The following TRHDE variants were observed in gnomAD, a reference collection of about 807,000 sequenced individuals.
TRHDE encodes the protein thyrotropin-releasing hormone-degrading ectoenzyme.
In TRHDE, 72 loss-of-function variants were observed where a neutral mutation model predicts 125.7. The ratio of observed to expected loss-of-function variants is 0.57; its 90% CI spans 0.47 to 0.70. TRHDE has a LOEUF of 0.70. Ranked by LOEUF, TRHDE falls within the 30% of genes least tolerant of loss-of-function variation. The probability of loss-of-function intolerance (pLI) is 0.00; values close to 1 mark genes in which losing one functional copy is unlikely to be tolerated. For missense variants in TRHDE, 1,110 were observed against 1,327.1 expected (o/e 0.84, Z 2.54); for synonymous variants, 509 against 509.1 (o/e 1.00, Z 0.00).
intron 3 of TRHDE, among the ~76,000 whole-genome samples, chr12:72,445,859 TC>T (rs978932451): frequency 6.6e-6 from 1 of 151,894 alleles, no homozygotes; most frequent in African/African-American, 2.4e-5. Context: ...CTTTCTTTTT[TC>T]CCCCCGGCTT....
chr12:72,364,825 C>T (rs2135756231), intron 2 of TRHDE, among the ~76,000 whole-genome samples: 1 of 152,194 alleles, frequency 6.6e-6, no homozygotes, highest in South Asian at 2.1e-4. Flanking sequence ...CATTCAGCCC[C>T]TCTATTTACA....
chr12:72,586,942 CTAAAT>C (rs1871466112), intron 12 of TRHDE, among the ~76,000 whole-genome samples: 1 of 151,982 alleles, frequency 6.6e-6, no homozygotes, highest in South Asian at 2.1e-4. Flanking sequence ...TAAACACACT[CTAAAT>C]TAGAGGGCAG....
intron 15 of TRHDE, among the ~76,000 whole-genome samples, chr12:72,634,372 A>G (rs1873627894): frequency 6.6e-6 from 1 of 151,878 alleles, no homozygotes; most frequent in Admixed American, 6.6e-5. Context: ...CTATCCCCAT[A>G]GAGGTAAGGG....
intron 2 of TRHDE, among the ~76,000 whole-genome samples, chr12:72,128,995 A>G (rs1875790068): frequency 6.6e-6 from 1 of 152,206 alleles, no homozygotes; most frequent in African/African-American, 2.4e-5. Flanking sequence ...TCATAATTAA[A>G]CTGCTCAAAA....
chr12:72,108,393 G>A (rs912546371), intron 2 of TRHDE, among the ~76,000 whole-genome samples: 55 of 152,116 alleles, frequency 3.6e-4, no homozygotes, highest in Non-Finnish European at 2.8e-4. Flanking sequence ...TACATATGTT[G>A]ACAGAATAGT....
At chr12:72,637,392 CT>C (rs1285047541) in intron 15 of TRHDE, among the ~76,000 whole-genome samples, 1 of 152,088 alleles carries the variant, frequency 6.6e-6, no homozygotes, top group Non-Finnish European at 1.5e-5. Flanking sequence ...ATTCTTTTCT[CT>C]TTTTTTCTTT....
chr12:72,095,250 T>C (rs1039283138), intron 1 of TRHDE, among the ~76,000 whole-genome samples: 2 of 152,238 alleles, frequency 1.3e-5, no homozygotes, highest in African/African-American at 4.8e-5. Flanking sequence ...ACCCCTGTTA[T>C]TGCCATTCTC....
intron 3 of TRHDE, among the ~76,000 whole-genome samples, chr12:72,434,097 T>G (rs1315285343): frequency 2.0e-5 from 3 of 152,116 alleles, no homozygotes; most frequent in Non-Finnish European, 2.9e-5. Context: ...TAAATAAATG[T>G]TTCTTGGCCA....
chr12:72,326,606 T>A (rs1869352107), intron 2 of TRHDE, among the ~76,000 whole-genome samples: 1 of 152,114 alleles, frequency 6.6e-6, no homozygotes, highest in Admixed American at 6.5e-5. Flanking sequence ...ACTTTCAAGC[T>A]TAGGAAATTC....
chr12:72,412,409 T>C (rs1822745), intron 3 of TRHDE, among the ~76,000 whole-genome samples: 16,191 of 152,144 alleles, frequency 0.11, 1,348 homozygotes, highest in East Asian at 0.48. Flanking sequence ...GTAAAAATTA[T>C]AAAATCCGAC....
rs114247808 is a variant in TRHDE at position 72,493,954 on chromosome 12, T to C, written c.1585-5544T>C. 5.3e-3 allele frequency among the ~76,000 whole-genome samples: 810 copies of C among 152,178 alleles called. 2 individuals are homozygous for C. Among genetic ancestry groups the C allele is most frequent in the African/African-American group, 0.018 (739 of 41,564 alleles). On this transcript the variant is annotated intron_variant, in intron 5 of 18. Coordinates refer to ENST00000261180, the MANE Select transcript of TRHDE (RefSeq NM_013381.3). ...TTCCATTTTTACATGTAGCAAGTTGTGTTTTAACATTTGTTTTCGCCTTTG... is the reference window on the plus strand; with the variant it reads ...TTCCATTTTTACATGTAGCAAGTTGCGTTTTAACATTTGTTTTCGCCTTTG...
At chr12:72,212,582 G>A (rs1877805742) in intron 2 of TRHDE, among the ~76,000 whole-genome samples, 1 of 152,020 alleles carries the variant, frequency 6.6e-6, no homozygotes, top group African/African-American at 2.4e-5. Flanking sequence ...TTATACAAAT[G>A]ATTAATAAGC....
In TRHDE at chr12:72,272,622, G is replaced by GGGA. The variant is rs1229288033; in HGVS notation, c.-10_-8dup. ...CCGCGGGGGGTGCCAGAGGGGGCGG[G>GGGA]GGAGGAGGAGGAGGCGGTGTGATGG... is the stretch of plus-strand genomic sequence containing the variant. On this transcript the variant is annotated 5_prime_UTR_variant, in exon 1 of 19. Coordinates refer to ENST00000261180, the MANE Select transcript of TRHDE (RefSeq NM_013381.3). This position sits in a 1 kb window ranked among gnomAD's most constrained non-coding sequence, Gnocchi z 6.7. 17 of 905,218 alleles carry GGGA rather than the reference G, an allele frequency of 1.9e-5. No individual in the cohort carries two copies. The African/African-American group carries it at 2.4e-4, about 13-fold the overall frequency. 56.1% of individuals were successfully genotyped at this position (905,218 alleles called of 1,614,324 possible).
intron 3 of TRHDE, among the ~76,000 whole-genome samples, chr12:72,432,770 A>T (rs1387583126): frequency 6.6e-6 from 1 of 152,152 alleles, no homozygotes; most frequent in East Asian, 1.9e-4. Context: ...TCTTTTGCGA[A>T]TAGGGACAGT....
At chr12:72,276,898 G>A (rs1879508027) in intron 1 of TRHDE, among the ~76,000 whole-genome samples, 5 of 152,196 alleles carry the variant, frequency 3.3e-5, no homozygotes, top group Admixed American at 2.6e-4. Flanking sequence ...AAAAGAGTAT[G>A]CTTGCTTAGA....
At chr12:72,399,492 T>C (rs376990421) in intron 3 of TRHDE, among the ~76,000 whole-genome samples, 1 of 152,162 alleles carries the variant, frequency 6.6e-6, no homozygotes, top group Non-Finnish European at 1.5e-5. Flanking sequence ...TGTAAACATA[T>C]AGGAAACAGA....
chr12:72,537,884 A>G (rs1244441917), intron 6 of TRHDE, among the ~76,000 whole-genome samples: 3 of 152,028 alleles, frequency 2.0e-5, no homozygotes, highest in East Asian at 1.9e-4. Context: ...ATTTTGTGCA[A>G]TGTACTTTCT....
chr12:72,114,367 A>G (rs1019294843), intron 2 of TRHDE, among the ~76,000 whole-genome samples: 1 of 152,172 alleles, frequency 6.6e-6, no homozygotes, highest in Non-Finnish European at 1.5e-5. Flanking sequence ...TACTGTTGTC[A>G]GGAAGCCTTA....
chr12:72,323,435 A>G (rs1869189326), intron 2 of TRHDE, among the ~76,000 whole-genome samples: 1 of 152,148 alleles, frequency 6.6e-6, no homozygotes, highest in East Asian at 1.9e-4. Context: ...AAGTTCTAAG[A>G]AAAGGGCAGT....
Sources: allele counts gnomAD v4.1 joint callset (sites outside exome capture counted in the v4.1 genomes callset), GRCh38; gene constraint gnomAD v4.1.1; non-coding constraint Gnocchi (gnomAD v3.1); transcripts MANE v1.5; gene names NCBI Gene and HGNC (gene_info 2026-07-23, HGNC 2026-07-21).